MSN: variants seen among roughly 807,000 people sequenced by gnomAD.
MSN encodes epididymis luminal protein 70.
MSN carries 2 observed loss-of-function variants against 48.0 expected under a neutral mutation model. The ratio of observed to expected loss-of-function variants is 0.04; its 90% CI spans 0.02 to 0.13. The LOEUF is 0.13. MSN is among the 10% of genes least tolerant of loss of function. The pLI is 1.00. For synonymous variants in MSN, 146 were observed against 166.9 expected, an observed-to-expected ratio of 0.87 and a Z score of 0.97; for missense variants, 267 against 470.1, an observed-to-expected ratio of 0.57 and a Z score of 3.99.
intron 1 of MSN, among the ~76,000 whole-genome samples, chrX:65,647,938 C>T (rs765203057): frequency 1.8e-3 from 196 of 111,804 alleles, no homozygotes; most frequent in African/African-American, 5.4e-3. Context: ...ATTTCTCTGG[C>T]TTCTTTGTGG....
chrX:65,724,677 TTTTGTTTGTTTG>T (rs10635652), intron 2 of MSN, among the ~76,000 whole-genome samples: 1 of 108,323 alleles, frequency 9.2e-6, no homozygotes, highest in Non-Finnish European at 1.9e-5. Flanking sequence ...TTTGTTTTGT[TTTTGTTTGTTTG>T]TTTGTTTGTT....
chrX:65,734,140 C>T (rs2071652000), intron 7 of MSN, among the ~76,000 whole-genome samples: 1 of 112,037 alleles, frequency 8.9e-6, no homozygotes, highest in African/African-American at 3.2e-5. Flanking sequence ...GCTTCTTACC[C>T]ACTCAGTAGC....
chrX:65,740,256 T>G lies in MSN; in HGVS notation c.*363T>G. Reference sequence around the variant, plus strand: ...AGTGTGGAGTAGGTTGGAAGCTAGCTCCCCTCCTCTCCCCTACCACTGTCT... The same window carrying G: ...AGTGTGGAGTAGGTTGGAAGCTAGCGCCCCTCCTCTCCCCTACCACTGTCT... On this transcript the variant is annotated 3_prime_UTR_variant, in exon 13 of 13. Coordinates refer to ENST00000360270, the MANE Select transcript of MSN (RefSeq NM_002444.3). 5.1e-6 allele frequency: 1 copy of G among 197,896 alleles called. No homozygotes were observed. The highest frequency in any genetic ancestry group is 9.4e-6 in the Non-Finnish European group (1 of 106,469). 16.3% of individuals were successfully genotyped at this position (197,896 alleles called of 1,213,427 possible).
At position 65,727,863 on chromosome X, in the gene MSN, A is replaced by G; in HGVS notation, c.146A>G (p.Tyr49Cys). ...LREVWFFGLQ[Y>C]QDTKGFSTWL... ...GAAGTTTGGTTCTTTGGTCTGCAGT[A>G]CCAGGACACTAAAGGTTTCTCCACC... The change falls in exon 3 of 13, where the codon TAC (tyrosine) becomes TGC (cysteine). Residue 49 changes from tyrosine to cysteine, a missense_variant. Physicochemically the swap from Tyr to Cys is radical, Grantham distance 194 (BLOSUM62 -2). This residue lies in a region of MSN where 89 missense variants were observed against 151.0 expected (regional missense o/e 0.59). Coordinates refer to ENST00000360270, the MANE Select transcript of MSN (RefSeq NM_002444.3). 8.3e-7 allele frequency: 1 copy of G among 1,211,498 alleles called. No homozygotes were observed. The highest frequency in any genetic ancestry group is 1.1e-6 in the Non-Finnish European group (1 of 895,149).
At chrX:65,618,206 T>G (rs12014704) in intron 1 of MSN, among the ~76,000 whole-genome samples, 16,577 of 111,187 alleles carry the variant, frequency 0.15, 3,070 homozygotes, top group African/African-American at 0.51. Flanking sequence ...GGAGAGTTCT[T>G]TAGATGTCTA....
At chrX:65,720,652 G>C (rs1299862910) in intron 2 of MSN, among the ~76,000 whole-genome samples, 1 of 111,889 alleles carries the variant, frequency 8.9e-6, no homozygotes, top group Admixed American at 9.5e-5. Flanking sequence ...GGCCCTCCTG[G>C]TAGAGCCTGG....
At chrX:65,634,905 C>A (rs2070587395) in intron 1 of MSN, among the ~76,000 whole-genome samples, 1 of 111,182 alleles carries the variant, frequency 9.0e-6, no homozygotes. Context: ...CTGTCAGTAC[C>A]CCTCGGACAC....
At chrX:65,592,773 G>A (rs1477160723) in intron 1 of MSN, among the ~76,000 whole-genome samples, 1 of 110,513 alleles carries the variant, frequency 9.0e-6, no homozygotes, top group Non-Finnish European at 1.9e-5. Context: ...GGGTGCGGTG[G>A]CTCACACCTG....
At chrX:65,659,670 G>A (rs1040786546) in intron 1 of MSN, among the ~76,000 whole-genome samples, 2 of 111,387 alleles carry the variant, frequency 1.8e-5, no homozygotes, top group African/African-American at 3.3e-5. Flanking sequence ...GCTCCAGAAT[G>A]TCCCTGTACC....
chrX:65,684,877 TA>T (rs755094648), intron 1 of MSN, among the ~76,000 whole-genome samples: 1 of 112,596 alleles, frequency 8.9e-6, no homozygotes, highest in South Asian at 3.6e-4. Flanking sequence ...TGGCTAAGAC[TA>T]CAGGTGCATT....
intron 1 of MSN, among the ~76,000 whole-genome samples, chrX:65,609,029 A>T (rs1250414591): frequency 9.1e-6 from 1 of 109,383 alleles, no homozygotes; most frequent in African/African-American, 3.3e-5. Flanking sequence ...TGGTAACTTA[A>T]CTGGGGCTTG....
chrX:65,718,247 T>C (rs1205292523), intron 2 of MSN, among the ~76,000 whole-genome samples: 2 of 110,317 alleles, frequency 1.8e-5, no homozygotes, highest in Non-Finnish European at 3.8e-5. Flanking sequence ...TATTGAACTC[T>C]CTGGGTTGGT....
At chrX:65,665,937 C>T (rs1318173684), upstream of MSN, among the ~76,000 whole-genome samples, 5 of 112,143 alleles carry the variant, frequency 4.5e-5, no homozygotes, top group African/African-American at 1.6e-4. Context: ...TCAGACCATG[C>T]CTTCACATGG....
chrX:65,741,144 G>A lies in MSN; in HGVS notation c.*1251G>A. The A allele has an allele frequency of 5.8e-6, 1 of 170,995 alleles. No homozygotes were observed. The highest frequency in any genetic ancestry group is 1.1e-5 in the Non-Finnish European group (1 of 88,742). The allele number at this position is 170,995 out of a possible 1,213,427, so 14.1% of individuals were successfully genotyped here. ...ACCTCTAACCCAGGTCTTGACACCA[G>A]CTGTTCTGTCCCTTGGAGCTGTAAA... On this transcript the variant is annotated 3_prime_UTR_variant, in exon 13 of 13. Transcript: ENST00000360270.
intron 1 of MSN, among the ~76,000 whole-genome samples, chrX:65,670,321 A>G (rs866412646): frequency 1.8e-5 from 2 of 112,105 alleles, no homozygotes; most frequent in South Asian, 3.7e-4. Flanking sequence ...AAGGTAGTGG[A>G]AAATCAAACT....
Position 65,718,748 on chromosome X carries a change from T to C in MSN, c.96+1847T>C, listed in dbSNP as rs760532626. Among the ~76,000 whole-genome samples, 9 of 105,870 alleles carry C rather than the reference T, an allele frequency of 8.5e-5. No individual in the cohort carries two copies. In the South Asian group the frequency reaches 3.8e-3, roughly 45 times the overall value. The allele number at this position is 105,870 out of a possible 115,157, so 91.9% of individuals were successfully genotyped here. On this transcript the variant is annotated intron_variant, in intron 2 of 12. Transcript: ENST00000360270. ...CAGGAGGGTTGCTCAAGCCCAGGAGTTCAAGGTTACAGTGAGCTATGATCA... is the reference window on the plus strand; with the variant it reads ...CAGGAGGGTTGCTCAAGCCCAGGAGCTCAAGGTTACAGTGAGCTATGATCA...
rs1378885570 is a variant in MSN at position 65,616,996 on chromosome X, T to G, written c.-22+28384T>G. ...GTTTTTGTCTTTGGCTCTGTTTATA[T>G]GCTGGATTACATTTATTGATTTGCA... On this transcript the variant is annotated intron_variant, in intron 1 of 3. Transcript: ENST00000609672. Among the ~76,000 whole-genome samples, 221 of 110,056 alleles carry G rather than the reference T, an allele frequency of 2.0e-3. 1 individual carries two copies. Among genetic ancestry groups the G allele is most frequent in the Non-Finnish European group, 2.8e-3 (148 of 53,141 alleles).
intron 1 of MSN, among the ~76,000 whole-genome samples, chrX:65,614,447 T>A (rs1000919041): frequency 4.5e-5 from 5 of 109,939 alleles, no homozygotes; most frequent in African/African-American, 1.3e-4. Context: ...GCATTGAAGC[T>A]ATAAATTACT....
At chrX:65,732,077 A>C (rs1286895859) in intron 6 of MSN, 93 bp downstream of exon 6, 1 of 967,068 alleles carries the variant, frequency 1.0e-6, no homozygotes, top group Non-Finnish European at 1.4e-6. Context: ...CTTGGGTCCC[A>C]TCTCAGTTCT....
Sources: gnomAD v4.1 joint callset for allele counts (sites outside exome capture counted in the v4.1 genomes callset) on GRCh38, gnomAD v4.1.1 for gene constraint, gnomAD v4.1.1 regional missense constraint, MANE v1.5 for transcripts, NCBI Gene and HGNC (gene_info 2026-07-23, HGNC 2026-07-21) for gene names.